Variants in SDHC observed in about 807,000 individuals in gnomAD.
SDHC encodes succinate dehydrogenase complex subunit C.
A neutral mutation model predicts 22.6 loss-of-function variants in SDHC; 11 were observed. The ratio of observed to expected loss-of-function variants is 0.49; its 90% CI spans 0.31 to 0.81. The LOEUF is 0.81. Among genes scored for constraint, SDHC ranks in the 30% least tolerant of loss-of-function variants. The pLI is 0.05. For missense variants in SDHC, 160 were observed against 212.0 expected, an observed-to-expected ratio of 0.75 and a Z score of 1.52; for synonymous variants, 80 against 77.8, an observed-to-expected ratio of 1.03 and a Z score of -0.15.
intron 4 of SDHC, among the ~76,000 whole-genome samples, chr1:161,345,097 T>G (rs1671847259): frequency 6.6e-6 from 1 of 152,228 alleles, no homozygotes; most frequent in Admixed American, 6.5e-5. Flanking sequence ...ACCTTTGCCC[T>G]GCCAGCTCTG....
At chr1:161,328,600 A>G in intron 3 of SDHC, 103 bp downstream of exon 3, 1 of 793,220 alleles carries the variant, frequency 1.3e-6, no homozygotes, top group South Asian at 1.4e-5. Context: ...TACTCAACCA[A>G]AATACTGCTA....
intron 4 of SDHC, among the ~76,000 whole-genome samples, chr1:161,343,214 A>T (rs1305696909): frequency 6.6e-6 from 1 of 152,196 alleles, no homozygotes; most frequent in East Asian, 1.9e-4. Flanking sequence ...GATCTCTCCT[A>T]GGCTTCTGTA....
chr1:161,332,350 C>A (rs1671308295), intron 3 of SDHC, among the ~76,000 whole-genome samples: 1 of 152,154 alleles, frequency 6.6e-6, no homozygotes, highest in South Asian at 2.1e-4. Context: ...AAAAAGAAAT[C>A]AGGTTGCCAC....
At chr1:161,346,427 T>C (rs1671899572) in intron 4 of SDHC, among the ~76,000 whole-genome samples, 1 of 151,900 alleles carries the variant, frequency 6.6e-6, no homozygotes, top group Non-Finnish European at 1.5e-5. Flanking sequence ...GAGACAGAGT[T>C]TCGCTTTTGT....
chr1:161,350,978 T>C (rs1206241468), intron 4 of SDHC, among the ~76,000 whole-genome samples: 1 of 152,042 alleles, frequency 6.6e-6, no homozygotes, highest in African/African-American at 2.4e-5. Flanking sequence ...GGGAAATGGG[T>C]AATCAGAAAC....
chr1:161,354,922 C>A (rs1468529590), intron 4 of SDHC, among the ~76,000 whole-genome samples: 1 of 152,110 alleles, frequency 6.6e-6, no homozygotes, highest in Admixed American at 6.6e-5. Flanking sequence ...GTTGCCCAGG[C>A]TGGTCTTGAA....
intron 4 of SDHC, among the ~76,000 whole-genome samples, chr1:161,346,157 C>G (rs939374725): frequency 6.6e-6 from 1 of 152,172 alleles, no homozygotes; most frequent in East Asian, 1.9e-4. Context: ...GATACTCTAT[C>G]TATCTTATTT....
chr1:161,339,571 TG>T, intron 3 of SDHC: 1 of 1,269,000 alleles, frequency 7.9e-7, no homozygotes, highest in Non-Finnish European at 1.0e-6. Context: ...GCCCTATCAG[TG>T]ATGCAGTCTG....
intron 3 of SDHC, among the ~76,000 whole-genome samples, chr1:161,331,538 T>A (rs1671270897): frequency 6.6e-6 from 1 of 151,786 alleles, no homozygotes; most frequent in South Asian, 2.1e-4. Flanking sequence ...TGCCTTGGCC[T>A]CCCAAAGTGC....
At chr1:161,335,835 A>ATATACATATATACATG (rs375919856) in intron 3 of SDHC, among the ~76,000 whole-genome samples, 1 of 152,060 alleles carries the variant, frequency 6.6e-6, no homozygotes, top group African/African-American at 2.4e-5. Flanking sequence ...ATATATACAT[A>ATATACATATATACATG]CATCTCTGTT....
At chr1:161,357,641 C>T (rs1672335191) in intron 5 of SDHC, among the ~76,000 whole-genome samples, 2 of 152,034 alleles carry the variant, frequency 1.3e-5, no homozygotes, top group East Asian at 3.9e-4. Context: ...CCTTGTGATC[C>T]ACCCCTCTCA....
At chr1:161,316,234 CG>C (rs149195921) in intron 1 of SDHC, among the ~76,000 whole-genome samples, 2,248 of 152,228 alleles carry the variant, frequency 0.015, 53 homozygotes, top group African/African-American at 0.052. Context: ...AGACCCTTTA[CG>C]GGGGTCTGGG....
chr1:161,359,265 G>C (rs1338380314), intron 5 of SDHC, among the ~76,000 whole-genome samples: 1 of 152,066 alleles, frequency 6.6e-6, no homozygotes, highest in East Asian at 1.9e-4. Context: ...CCAAATCATA[G>C]CCTTAGAGAC....
intron 3 of SDHC, among the ~76,000 whole-genome samples, chr1:161,329,420 C>G (rs1213661593): frequency 2.7e-4 from 41 of 152,114 alleles, no homozygotes; most frequent in Non-Finnish European, 2.9e-5. Context: ...CAACCCCTAC[C>G]TCCTGAGTTC....
At chr1:161,343,675 A>G (rs1671795878) in intron 4 of SDHC, among the ~76,000 whole-genome samples, 1 of 152,074 alleles carries the variant, frequency 6.6e-6, no homozygotes, top group African/African-American at 2.4e-5. Flanking sequence ...AAATTTTTAG[A>G]TTGATTAAGG....
At chr1:161,354,125 A>G (rs1225367544) in intron 4 of SDHC, among the ~76,000 whole-genome samples, 3 of 152,164 alleles carry the variant, frequency 2.0e-5, no homozygotes, top group Non-Finnish European at 4.4e-5. Context: ...TGCTAGGATT[A>G]CAGGCATGAG....
intron 3 of SDHC, among the ~76,000 whole-genome samples, chr1:161,337,540 A>C (rs1671544037): frequency 6.6e-6 from 1 of 152,202 alleles, no homozygotes; most frequent in South Asian, 2.1e-4. Context: ...GAGGCTAAAT[A>C]CTTGCTTGAT....
intron 1 of SDHC, among the ~76,000 whole-genome samples, chr1:161,321,675 G>A (rs973078449): frequency 6.6e-6 from 1 of 152,192 alleles, no homozygotes; most frequent in Non-Finnish European, 1.5e-5. Context: ...AGAAGGAAGT[G>A]TTCGTTAGAT....
chr1:161,322,261 GT>G (rs1186834480), intron 1 of SDHC, among the ~76,000 whole-genome samples: 1 of 149,668 alleles, frequency 6.7e-6, no homozygotes, highest in Non-Finnish European at 1.5e-5. Flanking sequence ...CTTTGGATCA[GT>G]TAAATTCTCC....
Sources: allele counts gnomAD v4.1 joint callset (sites outside exome capture counted in the v4.1 genomes callset), GRCh38; gene constraint gnomAD v4.1.1; transcripts MANE v1.5; gene names NCBI Gene and HGNC (gene_info 2026-07-23, HGNC 2026-07-21).